LAMC3: variants seen among roughly 807,000 people sequenced by gnomAD.
The protein encoded by LAMC3 is laminin subunit gamma 3.
A neutral mutation model predicts 173.8 loss-of-function variants in LAMC3; 128 were observed. The observed-to-expected ratio is 0.74, with a 90% confidence interval of 0.64 to 0.85. The LOEUF (loss-of-function observed/expected upper bound fraction) is 0.85. Among genes scored for constraint, LAMC3 ranks in the 40% least tolerant of loss-of-function variants. The pLI is 0.00. For synonymous variants in LAMC3, 897 were observed against 909.1 expected (o/e 0.99, Z 0.24); for missense variants, 2,022 against 2,156.0 (o/e 0.94, Z 1.23).
intron 1 of LAMC3, among the ~76,000 whole-genome samples, chr9:131,018,260 G>T (rs190206343): frequency 6.6e-6 from 1 of 150,896 alleles, no homozygotes; most frequent in African/African-American, 2.4e-5. Flanking sequence ...TCAGCCTCCC[G>T]TGTAGCTGGG....
chr9:131,072,378 G>A (rs766557937), intron 18 of LAMC3, among the ~76,000 whole-genome samples: 6 of 152,204 alleles, frequency 3.9e-5, no homozygotes, highest in Non-Finnish European at 8.8e-5. Flanking sequence ...TGTGGCTCCA[G>A]AAGGCCTGGG....
chr9:131,034,014 G>A (rs916385648), intron 3 of LAMC3, among the ~76,000 whole-genome samples: 7 of 152,270 alleles, frequency 4.6e-5, no homozygotes, highest in Admixed American at 2.6e-4. Context: ...TATGTGAGTC[G>A]GTGGGAGGAG....
intron 23 of LAMC3, 58 bp from the exon 24 acceptor site, chr9:131,082,001 G>A: frequency 7.4e-7 from 1 of 1,355,022 alleles, no homozygotes; most frequent in South Asian, 1.2e-5. Flanking sequence ...CCACTGAGCT[G>A]CCCCTGGGCC....
At position 131,026,622 on chromosome 9, in the gene LAMC3, C is replaced by T. The variant is rs761549194; in HGVS notation, c.678+33C>T. ...AGGAGCGGGGCTTCGGAGGTTGGGA[C>T]GGGGTTGGGACTGGGTCACGGCAGT... On this transcript the variant is annotated intron_variant, in intron 2 of 27. Transcript: ENST00000361069. The surrounding 1 kb of genome is among the most constrained non-coding windows in gnomAD (Gnocchi z 4.8). The T allele has an allele frequency of 1.3e-4, 202 of 1,534,274 alleles. No individual in the cohort carries two copies. Among genetic ancestry groups the T allele is most frequent in the Non-Finnish European group, 1.7e-4 (197 of 1,141,236 alleles).
chr9:131,048,047 ATTTTTTTTTTTTTTT>A (rs59291636), intron 8 of LAMC3, among the ~76,000 whole-genome samples: 1 of 53,392 alleles, frequency 1.9e-5, no homozygotes, highest in South Asian at 9.4e-4. Context: ...CACCCAGCTG[ATTTTTTTTTTTTTTT>A]TTTTTTTTTT....
At chr9:131,032,257 G>C (rs1833838470) in intron 3 of LAMC3, 82 bp downstream of exon 3, 1 of 420,070 alleles carries the variant, frequency 2.4e-6, no homozygotes, top group Non-Finnish European at 4.8e-6. Context: ...GGGGTGGGGG[G>C]TGGGGGGGCA....
chr9:131,049,923 C>T (rs956360916), intron 9 of LAMC3, among the ~76,000 whole-genome samples: 46 of 152,206 alleles, frequency 3.0e-4, no homozygotes, highest in South Asian at 4.1e-4. Context: ...ATCTTTAGCC[C>T]CACTGTGGCT....
intron 4 of LAMC3, among the ~76,000 whole-genome samples, chr9:131,037,693 C>T (rs1833971172): frequency 6.6e-6 from 1 of 152,222 alleles, no homozygotes; most frequent in Admixed American, 6.5e-5. Context: ...TCGGCTCTCA[C>T]TGTTGCCCAG....
At chr9:131,034,439 G>C (rs1372133887) in intron 3 of LAMC3, among the ~76,000 whole-genome samples, 2 of 152,252 alleles carry the variant, frequency 1.3e-5, no homozygotes, top group Non-Finnish European at 2.9e-5. Flanking sequence ...AAAGCACCTG[G>C]AGCCGCAACA....
At chr9:131,014,969 C>G (rs1833493596) in intron 1 of LAMC3, among the ~76,000 whole-genome samples, 1 of 152,156 alleles carries the variant, frequency 6.6e-6, no homozygotes, top group Non-Finnish European at 1.5e-5. Flanking sequence ...GAGCGAGACC[C>G]TGTCTCAGAA....
At chr9:131,017,645 G>T (rs925132021) in intron 1 of LAMC3, among the ~76,000 whole-genome samples, 1 of 141,298 alleles carries the variant, frequency 7.1e-6, no homozygotes, top group African/African-American at 2.6e-5. Flanking sequence ...AGAATCGCTT[G>T]AACCGGAGGC....
At chr9:131,037,278 A>G (rs1833964726) in intron 4 of LAMC3, among the ~76,000 whole-genome samples, 1 of 152,190 alleles carries the variant, frequency 6.6e-6, no homozygotes, top group Non-Finnish European at 1.5e-5. Flanking sequence ...TCTGTCTCTC[A>G]GTCAGCAGCC....
chr9:131,060,974 G>A lies in LAMC3; in HGVS notation c.2159-61G>A, dbSNP rs536373787. The stretch of plus-strand genomic sequence containing the variant: ...GATGTGCTCCCTAACCTCTCCCACC[G>A]GGATGCCCACCATCTCTGGGCATTC... On this transcript the variant is annotated intron_variant, in intron 12 of 27. Transcript: ENST00000361069. 922 of 1,558,874 alleles carry A rather than the reference G, an allele frequency of 5.9e-4. 16 individuals carry two copies. In the South Asian group the frequency reaches 8.2e-3, roughly 14 times the overall value.
intron 13 of LAMC3, among the ~76,000 whole-genome samples, chr9:131,064,068 C>A (rs7858713): frequency 5.3e-5 from 8 of 151,978 alleles, no homozygotes; most frequent in Non-Finnish European, 7.4e-5. Context: ...CCACCATGCC[C>A]GGCTAATGTT....
rs746890847 is a variant in LAMC3, at chr9:131,071,626, G to A, written c.3211+1G>A. On this transcript the variant is annotated splice_donor_variant, in intron 18 of 27. Coordinates refer to ENST00000361069, the MANE Select transcript of LAMC3 (RefSeq NM_006059.4). LOFTEE classifies it high-confidence loss of function. ...TACCAGGGCCATCACCTGCTTCCAG[G>A]TACAGCAGGAGCGCAGAGCGGGAGG... is the stretch of plus-strand genomic sequence containing the variant. 8.9e-6 allele frequency: 14 copies of A among 1,579,754 alleles called. No individual in the cohort carries two copies. Among genetic ancestry groups the A allele is most frequent in the Non-Finnish European group, 1.2e-5 (14 of 1,159,726 alleles).
At chr9:131,087,098 G>T (rs1324455515) in intron 25 of LAMC3, among the ~76,000 whole-genome samples, 3 of 152,222 alleles carry the variant, frequency 2.0e-5, no homozygotes, top group Non-Finnish European at 4.4e-5. Flanking sequence ...CAGCTCTGCT[G>T]CTGGTTCTGT....
At chr9:131,066,319 C>T (rs1021250115) in intron 13 of LAMC3, among the ~76,000 whole-genome samples, 2 of 151,558 alleles carry the variant, frequency 1.3e-5, no homozygotes, top group South Asian at 2.1e-4. Flanking sequence ...GGTGAAACCC[C>T]GTCTCTACTA....
intron 9 of LAMC3, among the ~76,000 whole-genome samples, chr9:131,051,969 T>G (rs1214840042): frequency 6.6e-6 from 1 of 152,194 alleles, no homozygotes; most frequent in Non-Finnish European, 1.5e-5. Context: ...AACTAGTGCC[T>G]TCTTTCCGAG....
intron 9 of LAMC3, 107 bp from the exon 10 acceptor site, chr9:131,052,384 G>A: frequency 9.4e-7 from 1 of 1,065,614 alleles, no homozygotes; most frequent in Non-Finnish European, 1.5e-6. Context: ...TCTACCCACT[G>A]CACTTTTATC....
Sources: gnomAD v4.1 joint callset for allele counts (sites outside exome capture counted in the v4.1 genomes callset) on GRCh38, gnomAD v4.1.1 for gene constraint, Gnocchi (gnomAD v3.1) non-coding constraint, MANE v1.5 for transcripts, NCBI Gene and HGNC (gene_info 2026-07-23, HGNC 2026-07-21) for gene names.